Variants in CREBBP observed in about 807,000 individuals in gnomAD.
The protein encoded by CREBBP is CREB-binding protein.
In CREBBP, 19 loss-of-function variants were observed where a neutral mutation model predicts 265.0. That is an observed-to-expected ratio of 0.07 (90% CI 0.05 to 0.11). The LOEUF (loss-of-function observed/expected upper bound fraction) is 0.11. Among genes scored for constraint, CREBBP ranks in the 10% least tolerant of loss-of-function variants. The probability of loss-of-function intolerance (pLI) is 1.00; values close to 1 mark genes in which losing one functional copy is unlikely to be tolerated. For synonymous variants in CREBBP, 1,457 were observed against 1,223.7 expected (o/e 1.19, Z -3.98); for missense variants, 2,525 against 3,219.0 (o/e 0.78, Z 5.22).
intron 2 of CREBBP, among the ~76,000 whole-genome samples, chr16:3,814,123 T>C (rs1389039493): frequency 6.6e-6 from 1 of 152,094 alleles, no homozygotes; most frequent in Non-Finnish European, 1.5e-5. Flanking sequence ...GGGTAATACT[T>C]GCCTGGCCTG....
chr16:3,745,179 T>C, intron 22 of CREBBP, 98 bp downstream of exon 22: 2 of 1,168,210 alleles, frequency 1.7e-6, no homozygotes, highest in South Asian at 1.3e-5. Context: ...ATCGCTGAAT[T>C]CTTGCTGACA....
intron 21 of CREBBP, chr16:3,745,686 T>C (rs1013465100): frequency 4.9e-6 from 2 of 405,560 alleles, no homozygotes; most frequent in Admixed American, 7.6e-5. Context: ...TGCTACACAT[T>C]TGCAAGAACA....
chr16:3,839,906 A>T (rs1481346619), intron 2 of CREBBP, among the ~76,000 whole-genome samples: 1 of 152,178 alleles, frequency 6.6e-6, no homozygotes, highest in Non-Finnish European at 1.5e-5. Flanking sequence ...ATTCATGATT[A>T]ATTATCATGG....
At position 3,848,206 on chromosome 16, in the gene CREBBP, C is replaced by T. The variant is rs149866660; in HGVS notation, c.798+2091G>A. Among the ~76,000 whole-genome samples, 176 of 152,000 alleles carry T rather than the reference C, an allele frequency of 1.2e-3. 1 individual carries two copies. Among genetic ancestry groups the T allele is most frequent in the African/African-American group, 4.0e-3 (166 of 41,448 alleles). On this transcript the variant is annotated intron_variant, in intron 2 of 30. Transcript: ENST00000262367. ...AAAAAAATTACAACATATGAGACCA[C>T]TGGAAACGTGACTATTCTGTGGATA...
chr16:3,851,306 T>TAAAAAAAA (rs1160251196), intron 1 of CREBBP, among the ~76,000 whole-genome samples: 5 of 76,484 alleles, frequency 6.5e-5, no homozygotes, highest in African/African-American at 1.7e-4. Flanking sequence ...AAAAAAAAAT[T>TAAAAAAAA]AAAAAAAAAA....
chr16:3,759,114 G>T (rs1447411920), intron 16 of CREBBP, 142 bp from the exon 17 acceptor site: 2 of 723,094 alleles, frequency 2.8e-6, no homozygotes, highest in Admixed American at 2.0e-5. Context: ...GTCCATCACC[G>T]TTAAGGACTA....
chr16:3,829,306 A>T (rs1280712788), intron 2 of CREBBP, among the ~76,000 whole-genome samples: 2 of 152,222 alleles, frequency 1.3e-5, no homozygotes, highest in Non-Finnish European at 2.9e-5. Context: ...AGAAGATGAG[A>T]GATAACGTTT....
chr16:3,831,718 C>T (rs995605707), intron 2 of CREBBP, among the ~76,000 whole-genome samples: 3 of 152,014 alleles, frequency 2.0e-5, no homozygotes, highest in Non-Finnish European at 4.4e-5. Flanking sequence ...GTACAGAGGC[C>T]GGGCATGGTG....
chr16:3,778,942 G>C (rs2053209463), intron 8 of CREBBP, 125 bp from the exon 9 acceptor site: 2 of 729,930 alleles, frequency 2.7e-6, no homozygotes, highest in Non-Finnish European at 4.8e-6. Context: ...TGAGGCGGGA[G>C]AATCACCTGA....
In CREBBP at chr16:3,767,050, C is replaced by G. The variant is rs1275076860; in HGVS notation, c.3250+670G>C. ...CAGCCTTGGACTTTCTGAGTCCTGT[C>G]TCCCATTTCTAAGGTTCACTTGACA... On this transcript the variant is annotated intron_variant, in intron 16 of 30. Coordinates refer to ENST00000262367, the MANE Select transcript of CREBBP (RefSeq NM_004380.3). 2.0e-5 allele frequency among the ~76,000 whole-genome samples: 3 copies of G among 152,166 alleles called. No homozygotes were observed. In the East Asian group the frequency reaches 5.8e-4, roughly 29 times the overall value.
intron 16 of CREBBP, among the ~76,000 whole-genome samples, chr16:3,761,818 A>G (rs893590450): frequency 6.6e-6 from 1 of 152,242 alleles, no homozygotes; most frequent in Non-Finnish European, 1.5e-5. Flanking sequence ...TTATGCACAG[A>G]CGAAGCAGCA....
intron 28 of CREBBP, among the ~76,000 whole-genome samples, chr16:3,735,688 G>C (rs1438483755): frequency 1.3e-5 from 2 of 152,184 alleles, no homozygotes; most frequent in East Asian, 3.8e-4. Flanking sequence ...ATCATGTGCA[G>C]AGTGGCCACC....
At chr16:3,840,940 G>C (rs2054554748) in intron 2 of CREBBP, 1 of 156,328 alleles carries the variant, frequency 6.4e-6, no homozygotes, top group Non-Finnish European at 1.5e-5. Context: ...TGCAGTTTCT[G>C]CATGTGTAAC....
intron 3 of CREBBP, among the ~76,000 whole-genome samples, chr16:3,798,107 G>C (rs988435168): frequency 4.6e-5 from 7 of 152,176 alleles, no homozygotes; most frequent in East Asian, 1.9e-4. Flanking sequence ...CAATGAGGAG[G>C]AGCACAGGCA....
At chr16:3,836,717 C>T (rs1161036300) in intron 2 of CREBBP, among the ~76,000 whole-genome samples, 3 of 152,156 alleles carry the variant, frequency 2.0e-5, no homozygotes, top group African/African-American at 4.8e-5. Context: ...TTAATAGCTA[C>T]CTTTAGTTGA....
In CREBBP at chr16:3,879,849, G is replaced by A. The variant is rs2055489627; in HGVS notation, c.68C>T (p.Ser23Leu). Residue 23 changes from serine to leucine, a missense_variant, in exon 1 of 31, where the codon TCG (serine) becomes TTG (leucine). Physicochemically the swap from Ser to Leu is moderately radical, Grantham distance 145. This residue lies in a region of CREBBP where 356 missense variants were observed against 340.4 expected (regional missense o/e 1.05). Transcript: ENST00000262367. ...KRAKLSSPGF[S>L]ANDSTDFGSL... is the part of the protein sequence containing the mutation. ...CTCCTCACCTGTGCTGTCATTCGCC[G>A]AGAAACCGGGCGAGCTGAGTTTGGC... 3.7e-6 allele frequency: 6 copies of A among 1,610,864 alleles called. No individual in the cohort carries two copies. Among genetic ancestry groups the A allele is most frequent in the Non-Finnish European group, 5.1e-6 (6 of 1,178,714 alleles).
intron 23 of CREBBP, 36 bp downstream of exon 23, chr16:3,744,858 T>C: frequency 6.7e-7 from 1 of 1,492,768 alleles, no homozygotes. Context: ...TTCTAAAATG[T>C]GCAGTCCAGG....
chr16:3,833,459 G>C (rs1387803954), intron 2 of CREBBP, among the ~76,000 whole-genome samples: 1 of 152,050 alleles, frequency 6.6e-6, no homozygotes, highest in African/African-American at 2.4e-5. Context: ...AGAGGTCCTA[G>C]GCAGAACATT....
In CREBBP at chr16:3,803,257, CGGCGGGGAG is replaced by C. The variant is rs1161959257; in HGVS notation, c.975+7337_975+7345del. Among the ~76,000 whole-genome samples, 4 of 6,186 alleles carry C rather than the reference CGGCGGGGAG, an allele frequency of 6.5e-4. 1 individual carries two copies. The East Asian group carries it at 6.9e-3, about 11-fold the overall frequency. The allele number at this position is 6,186 out of a possible 152,430, so 4.1% of individuals were successfully genotyped here. ...TAATCCCAGCACTTTGGGAGGCTGA[CGGCGGGGAG>C]GGGGGGGGGGGGGGTGGATCACGAG... is the stretch of plus-strand genomic sequence containing the variant. On this transcript the variant is annotated intron_variant, in intron 3 of 30. Coordinates refer to ENST00000262367, the MANE Select transcript of CREBBP (RefSeq NM_004380.3).
Sources: allele counts gnomAD v4.1 joint callset (sites outside exome capture counted in the v4.1 genomes callset), GRCh38; gene constraint gnomAD v4.1.1; regional missense constraint gnomAD v4.1.1; transcripts MANE v1.5; gene names NCBI Gene and HGNC (gene_info 2026-07-23, HGNC 2026-07-21).